Variants in PCDH11X observed in about 807,000 individuals in gnomAD.
PCDH11X encodes the protein protocadherin 11 X-linked.
PCDH11X carries 18 observed loss-of-function variants against 53.3 expected under a neutral mutation model. The ratio of observed to expected loss-of-function variants is 0.34; its 90% CI spans 0.23 to 0.50. The LOEUF (loss-of-function observed/expected upper bound fraction) is 0.50. Among genes scored for constraint, PCDH11X ranks in the 20% least tolerant of loss-of-function variants. PCDH11X has a pLI of 0.98. For missense variants in PCDH11X, 570 were observed against 1,032.4 expected (o/e 0.55, Z 6.14); for synonymous variants, 279 against 393.3 (o/e 0.71, Z 3.44).
intron 9 of PCDH11X, among the ~76,000 whole-genome samples, chrX:92,442,176 A>G (rs908213681): frequency 2.7e-5 from 3 of 111,008 alleles, no homozygotes; most frequent in Admixed American, 1.9e-4. Flanking sequence ...TTGATTTTAC[A>G]CACTCATAGG....
intron 5 of PCDH11X, among the ~76,000 whole-genome samples, chrX:91,858,565 C>T (rs1414526219): frequency 1.8e-5 from 2 of 111,127 alleles, no homozygotes; most frequent in South Asian, 7.7e-4. Context: ...ATACATAACA[C>T]TGAATGCTTT....
At chrX:92,055,509 A>T (rs2063435696) in intron 6 of PCDH11X, among the ~76,000 whole-genome samples, 1 of 103,429 alleles carries the variant, frequency 9.7e-6, no homozygotes, top group Admixed American at 1.1e-4. Flanking sequence ...ATATATATTC[A>T]TATGACATGT....
At chrX:92,010,898 C>A (rs745766475) in intron 6 of PCDH11X, among the ~76,000 whole-genome samples, 11 of 110,632 alleles carry the variant, frequency 9.9e-5, no homozygotes, top group South Asian at 7.8e-4. Context: ...TGTAGTAATA[C>A]CCAGAATCTA....
chrX:92,132,634 T>C (rs1263291074), intron 6 of PCDH11X, among the ~76,000 whole-genome samples: 4 of 65,480 alleles, frequency 6.1e-5, no homozygotes, highest in African/African-American at 8.0e-5. Context: ...TATATATATA[T>C]GTATATATAT....
chrX:92,439,864 T>C (rs1419160427), intron 9 of PCDH11X, among the ~76,000 whole-genome samples: 1 of 99,012 alleles, frequency 1.0e-5, no homozygotes, highest in East Asian at 3.4e-4. Flanking sequence ...AAAGATTTTT[T>C]AAAAACAATA....
chrX:92,527,395 C>G (rs890124508), intron 10 of PCDH11X, among the ~76,000 whole-genome samples: 9 of 109,945 alleles, frequency 8.2e-5, no homozygotes, highest in African/African-American at 3.0e-4. Flanking sequence ...AATATATACA[C>G]CTGGTATGTA....
intron 6 of PCDH11X, among the ~76,000 whole-genome samples, chrX:92,108,168 C>T (rs1294959229): frequency 8.9e-6 from 1 of 111,848 alleles, no homozygotes; most frequent in Non-Finnish European, 1.9e-5. Flanking sequence ...AAAATGTCTA[C>T]ATCAGTTTAA....
chrX:91,889,618 A>G (rs1471764532), intron 6 of PCDH11X, among the ~76,000 whole-genome samples: 1 of 112,048 alleles, frequency 8.9e-6, no homozygotes, highest in Non-Finnish European at 1.9e-5. Flanking sequence ...TGGCCAAATA[A>G]TTGGTTTTTT....
chrX:92,355,839 A>G (rs1027454841), intron 8 of PCDH11X, among the ~76,000 whole-genome samples: 3 of 109,841 alleles, frequency 2.7e-5, no homozygotes, highest in East Asian at 2.9e-4. Context: ...TGATCACTGC[A>G]ATCAGAGAAC....
At chrX:92,482,113 G>T (rs1300913427) in intron 10 of PCDH11X, among the ~76,000 whole-genome samples, 5 of 104,538 alleles carry the variant, frequency 4.8e-5, no homozygotes, top group Non-Finnish European at 9.8e-5. Context: ...CTTCTAGTTG[G>T]CCATCTTGCT....
At chrX:92,014,118 T>G (rs2062745243) in intron 6 of PCDH11X, among the ~76,000 whole-genome samples, 3 of 110,073 alleles carry the variant, frequency 2.7e-5, no homozygotes. Context: ...GGGAGAAAAT[T>G]TTTGCAATCT....
At chrX:91,847,970 A>G (rs1316297568) in intron 5 of PCDH11X, among the ~76,000 whole-genome samples, 4 of 111,963 alleles carry the variant, frequency 3.6e-5, no homozygotes, top group African/African-American at 1.3e-4. Flanking sequence ...TGTAGGAGGT[A>G]TTAAATGTCT....
intron 7 of PCDH11X, among the ~76,000 whole-genome samples, chrX:92,249,216 A>G (rs2067411732): frequency 9.0e-6 from 1 of 111,370 alleles, no homozygotes; most frequent in Non-Finnish European, 1.9e-5. Flanking sequence ...CTTTCCTTCT[A>G]GTAAATAAGA....
chrX:91,908,335 A>G (rs962067327), intron 6 of PCDH11X, among the ~76,000 whole-genome samples: 57 of 112,099 alleles, frequency 5.1e-4, no homozygotes, highest in African/African-American at 1.6e-3. Flanking sequence ...ACCAAGGGCA[A>G]AACAAACAAC....
chrX:91,958,112 C>T (rs1324972455), intron 6 of PCDH11X, among the ~76,000 whole-genome samples: 1 of 111,289 alleles, frequency 9.0e-6, no homozygotes, highest in Non-Finnish European at 1.9e-5. Flanking sequence ...TCTGTATTCT[C>T]CACAGGGGGC....
In PCDH11X at chrX:91,836,006, G is replaced by C; in HGVS notation, c.502G>C (p.Val168Leu). Residue 168 changes from valine (V) to leucine (L), a missense_variant, in exon 5 of 11, where the codon GTA becomes CTA. This residue lies in a region of PCDH11X where 84 missense variants were observed against 142.0 expected (regional missense o/e 0.59). Coordinates refer to ENST00000682573, the MANE Select transcript of PCDH11X (RefSeq NM_032968.5). ...TCTCCCAGCGGCTGTTGATCCTGACGTAGGAATAAACGGAGTTCAAAACTA... is the reference window on the plus strand; with the variant it reads ...TCTCCCAGCGGCTGTTGATCCTGACCTAGGAATAAACGGAGTTCAAAACTA... The part of the protein sequence containing the change: ...YTLPAAVDPD[V>L]GINGVQNYEL... 8.3e-7 allele frequency: 1 copy of C among 1,211,360 alleles called. No individual in the cohort carries two copies. The highest frequency in any genetic ancestry group is 1.1e-6 in the Non-Finnish European group (1 of 895,378).
At chrX:92,224,623 G>A (rs2148360480) in intron 7 of PCDH11X, among the ~76,000 whole-genome samples, 1 of 111,516 alleles carries the variant, frequency 9.0e-6, no homozygotes, top group South Asian at 3.8e-4. Context: ...TGTTTCCTGT[G>A]TCTCACTTCT....
chrX:92,583,942 G>A lies in PCDH11X; in HGVS notation c.3368-34322G>A, dbSNP rs1924025101. On this transcript the variant is annotated intron_variant, in intron 10 of 10. Transcript: ENST00000682573. ...AATGAATTGAAAGCACACAGAATATGTTTATTTATGTTAATGGAATTAAAA... is the reference window on the plus strand; with the variant it reads ...AATGAATTGAAAGCACACAGAATATATTTATTTATGTTAATGGAATTAAAA... 4.7e-5 allele frequency among the ~76,000 whole-genome samples: 5 copies of A among 105,306 alleles called. No homozygotes were observed. The South Asian group carries it at 2.2e-3, about 46-fold the overall frequency. 91.4% of individuals were successfully genotyped at this position (105,306 alleles called of 115,157 possible).
At chrX:92,140,901 T>A (rs1340773501) in intron 6 of PCDH11X, among the ~76,000 whole-genome samples, 1 of 111,734 alleles carries the variant, frequency 8.9e-6, no homozygotes, top group East Asian at 2.8e-4. Context: ...TGTATTTTGC[T>A]TTCATAGTTA....
Sources: allele counts gnomAD v4.1 joint callset (sites outside exome capture counted in the v4.1 genomes callset), GRCh38; gene constraint gnomAD v4.1.1; regional missense constraint gnomAD v4.1.1; transcripts MANE v1.5; gene names NCBI Gene and HGNC (gene_info 2026-07-23, HGNC 2026-07-21).